Variants in ARHGAP29 observed in about 807,000 individuals in gnomAD.
ARHGAP29 encodes Rho GTPase activating protein 29.
A neutral mutation model predicts 122.6 loss-of-function variants in ARHGAP29; 43 were observed. That is an observed-to-expected ratio of 0.35 (90% CI 0.27 to 0.45). ARHGAP29 has a LOEUF of 0.45. Among genes scored for constraint, ARHGAP29 ranks in the 20% least tolerant of loss-of-function variants. The pLI, the probability that ARHGAP29 is intolerant of heterozygous loss-of-function variation, is 1.00. For missense variants in ARHGAP29, 1,303 were observed against 1,477.2 expected, an observed-to-expected ratio of 0.88 and a Z score of 1.93; for synonymous variants, 506 against 497.1, an observed-to-expected ratio of 1.02 and a Z score of -0.24.
chr1:94,236,325 CT>C (rs1483601315), intron 1 of ARHGAP29, among the ~76,000 whole-genome samples: 1 of 152,224 alleles, frequency 6.6e-6, no homozygotes, highest in Non-Finnish European at 1.5e-5. Flanking sequence ...TCTAGCATTC[CT>C]GGCAGGCAGT....
the ARHGAP29 span, among the ~76,000 whole-genome samples, chr1:94,311,492 T>C: frequency 2.0e-5 from 3 of 152,126 alleles, no homozygotes; most frequent in Non-Finnish European, 4.4e-5. Flanking sequence ...TCAGATCAAA[T>C]AAAATAATGA....
chr1:94,308,894 G>A, the ARHGAP29 span, among the ~76,000 whole-genome samples: 1 of 152,178 alleles, frequency 6.6e-6, no homozygotes, highest in Admixed American at 6.5e-5. Flanking sequence ...TCAGTTCCCA[G>A]GGTGGACAGT....
chr1:94,215,920 G>A (rs888958261), intron 3 of ARHGAP29, among the ~76,000 whole-genome samples: 1 of 119,410 alleles, frequency 8.4e-6, no homozygotes, highest in Admixed American at 9.4e-5. Flanking sequence ...ATAAAAGGAT[G>A]TAAAAACGTT....
At chr1:94,242,607 T>C (rs1379398982), upstream of ARHGAP29, among the ~76,000 whole-genome samples, 1 of 54,604 alleles carries the variant, frequency 1.8e-5, no homozygotes, top group Admixed American at 2.4e-4. Flanking sequence ...AAATAGAATT[T>C]CAAAAAATCA....
chr1:94,224,755 T>C (rs1359414620), intron 2 of ARHGAP29, among the ~76,000 whole-genome samples: 1 of 152,152 alleles, frequency 6.6e-6, no homozygotes, highest in East Asian at 1.9e-4. Context: ...AAAAAATCAC[T>C]GCAACTGCAA....
At chr1:94,229,201 A>G (rs1652789315) in intron 2 of ARHGAP29, among the ~76,000 whole-genome samples, 1 of 151,842 alleles carries the variant, frequency 6.6e-6, no homozygotes, top group Non-Finnish European at 1.5e-5. Flanking sequence ...CAATACCCAG[A>G]GACAAAAAGC....
Position 94,203,306 on chromosome 1 carries a change from A to T in ARHGAP29, c.763-96T>A, listed in dbSNP as rs184266979. ...TTCTTCAAAAAGGGAAACTAAGTTT[A>T]GACTTTTGCCCCCAGAAAAATAACT... is the stretch of plus-strand genomic sequence containing the variant. On this transcript the variant is annotated intron_variant, in intron 8 of 22. Coordinates refer to ENST00000260526, the MANE Select transcript of ARHGAP29 (RefSeq NM_004815.4). 1.4e-5 allele frequency: 11 copies of T among 809,110 alleles called. No individual in the cohort carries two copies. In the African/African-American group the frequency reaches 1.6e-4, roughly 12 times the overall value. 50.1% of individuals were successfully genotyped at this position (809,110 alleles called of 1,614,324 possible).
At chr1:94,207,000 C>A (rs975309068) in intron 5 of ARHGAP29, among the ~76,000 whole-genome samples, 10 of 141,192 alleles carry the variant, frequency 7.1e-5, no homozygotes, top group Admixed American at 6.2e-4. Flanking sequence ...GAAGGAGCAA[C>A]TTTTATTTAT....
intron 1 of ARHGAP29, among the ~76,000 whole-genome samples, chr1:94,257,582 T>C (rs1570614394): frequency 6.6e-6 from 1 of 152,010 alleles, no homozygotes; most frequent in South Asian, 2.1e-4. Flanking sequence ...TAGTGGCACA[T>C]GCCTGTGGTC....
chr1:94,177,516 G>T, intron 22 of ARHGAP29, 96 bp downstream of exon 22: 1 of 860,338 alleles, frequency 1.2e-6, no homozygotes, highest in Non-Finnish European at 1.7e-6. Context: ...TTCATTCTCT[G>T]GCTTCCCTCA....
chr1:94,231,240 T>C (rs765037191), intron 2 of ARHGAP29, among the ~76,000 whole-genome samples, 167 bp downstream of exon 2: 3 of 152,018 alleles, frequency 2.0e-5, no homozygotes, highest in Non-Finnish European at 4.4e-5. Context: ...TATTATCTGA[T>C]TATAAAATAG....
At chr1:94,300,886 G>A in the ARHGAP29 span, among the ~76,000 whole-genome samples, 1 of 152,300 alleles carries the variant, frequency 6.6e-6, no homozygotes, top group South Asian at 2.1e-4. Context: ...TTCATACCAG[G>A]TTACTGAGCA....
At chr1:94,245,819 T>G (rs956137823) in intron 1 of ARHGAP29, among the ~76,000 whole-genome samples, 1 of 152,086 alleles carries the variant, frequency 6.6e-6, no homozygotes, top group African/African-American at 2.4e-5. Context: ...AGAATGAAAA[T>G]TCTTTAGGGT....
rs1176730961 is a variant in ARHGAP29, at chr1:94,173,039, C to G, written c.*830G>C. 8 of 152,570 alleles carry G rather than the reference C, an allele frequency of 5.2e-5. No homozygotes were observed. Among genetic ancestry groups the G allele is most frequent in the African/African-American group, 1.7e-4 (7 of 41,438 alleles). The allele number at this position is 152,570 out of a possible 1,614,324, so 9.5% of individuals were successfully genotyped here. A position where few individuals can be genotyped will look rare whatever the true frequency, so the allele number is the denominator to read the frequency against. ...GGAAATGCACTGAATTCAAAAACTT[C>G]TGAAACAGGCATTTTTTGGACCATT... is the stretch of plus-strand genomic sequence containing the variant. On this transcript the variant is annotated 3_prime_UTR_variant, in exon 23 of 23. Transcript: ENST00000260526.
chr1:94,212,405 G>T (rs1651691286), intron 3 of ARHGAP29, among the ~76,000 whole-genome samples: 1 of 152,154 alleles, frequency 6.6e-6, no homozygotes, highest in Non-Finnish European at 1.5e-5. Context: ...TTGCACCATT[G>T]TTTATTATAC....
intron 1 of ARHGAP29, among the ~76,000 whole-genome samples, chr1:94,272,851 C>T (rs972987302): frequency 1.3e-5 from 2 of 152,278 alleles, no homozygotes; most frequent in Non-Finnish European, 2.9e-5. Flanking sequence ...TCCTTTTTGG[C>T]GACTGCTTCT....
chr1:94,285,106 A>AT, the ARHGAP29 span, among the ~76,000 whole-genome samples: 1 of 152,208 alleles, frequency 6.6e-6, no homozygotes, highest in South Asian at 2.1e-4. Context: ...TGGCTGATAC[A>AT]AAAACAAAAC....
At chr1:94,199,190 T>A (rs989852808) in intron 12 of ARHGAP29, among the ~76,000 whole-genome samples, 1 of 151,966 alleles carries the variant, frequency 6.6e-6, no homozygotes, top group African/African-American at 2.4e-5. Flanking sequence ...TGTATACCTA[T>A]GTAACAAACC....
the ARHGAP29 span, among the ~76,000 whole-genome samples, chr1:94,285,527 T>A: frequency 1.3e-5 from 2 of 151,806 alleles, no homozygotes; most frequent in South Asian, 4.2e-4. Flanking sequence ...AGGAAGTGAG[T>A]CATAAATTGA....
Sources: allele counts gnomAD v4.1 joint callset (sites outside exome capture counted in the v4.1 genomes callset), GRCh38; gene constraint gnomAD v4.1.1; transcripts MANE v1.5; gene names NCBI Gene and HGNC (gene_info 2026-07-23, HGNC 2026-07-21).